Variants in NAV2 observed in about 807,000 individuals in gnomAD.
NAV2 encodes helicase, APC down-regulated 1.
Under a neutral mutation model 223.2 loss-of-function variants are expected in NAV2, and 54 were observed. The observed-to-expected ratio is 0.24, with a 90% CI of 0.19 to 0.30. The LOEUF (loss-of-function observed/expected upper bound fraction) is 0.30, where lower values mean the gene tolerates loss of function less well. Among genes scored for constraint, NAV2 ranks in the 10% least tolerant of loss-of-function variants. The probability of loss-of-function intolerance (pLI) is 1.00; values close to 1 mark genes in which losing one functional copy is unlikely to be tolerated. For missense variants in NAV2, 2,806 were observed against 3,147.5 expected (o/e 0.89, Z 2.60); for synonymous variants, 1,279 against 1,239.3 (o/e 1.03, Z -0.67).
At chr11:19,610,048 T>C (rs1176238740) in intron 1 of NAV2, among the ~76,000 whole-genome samples, 1 of 152,184 alleles carries the variant, frequency 6.6e-6, no homozygotes, top group Non-Finnish European at 1.5e-5. Context: ...AAACCAGGAC[T>C]GATAGGTGCT....
chr11:19,928,893 A>C (rs2045043842), intron 6 of NAV2, among the ~76,000 whole-genome samples: 1 of 152,152 alleles, frequency 6.6e-6, no homozygotes, highest in African/African-American at 2.4e-5. Flanking sequence ...CCCTTTGTTT[A>C]ACTTACTATC....
intron 1 of NAV2, among the ~76,000 whole-genome samples, chr11:19,446,283 G>C (rs1851579176): frequency 6.6e-6 from 1 of 152,088 alleles, no homozygotes; most frequent in Non-Finnish European, 1.5e-5. Flanking sequence ...CCCACCACCA[G>C]AGAATCATAG....
chr11:19,366,521 A>C (rs1848288823), intron 1 of NAV2, among the ~76,000 whole-genome samples: 1 of 152,160 alleles, frequency 6.6e-6, no homozygotes, highest in African/African-American at 2.4e-5. Flanking sequence ...GAGTTGAAGA[A>C]AGGCTTCAGA....
In NAV2 at chr11:19,635,719, C is replaced by T. The variant is rs77440092; in HGVS notation, c.76-196765C>T. Among the ~76,000 whole-genome samples the T allele has an allele frequency of 3.6e-3, 553 of 152,332 alleles. 5 individuals carry two copies. Among genetic ancestry groups the T allele is most frequent in the African/African-American group, 0.011 (464 of 41,570 alleles). On this transcript the variant is annotated intron_variant, in intron 1 of 37. Transcript: ENST00000360655. ...TCCCATGAGAGCGAGAACTCACCTA[C>T]TTCTTTTGGGAGGGCATTAATTTAT...
At chr11:19,541,690 T>C (rs2044347827) in intron 1 of NAV2, among the ~76,000 whole-genome samples, 1 of 152,174 alleles carries the variant, frequency 6.6e-6, no homozygotes, top group African/African-American at 2.4e-5. Flanking sequence ...CCCAGGCTGA[T>C]GTGGGACATG....
rs1187835212 is a variant in NAV2, at chr11:19,712,897, T to C, written c.-799T>C. On this transcript the variant is annotated 5_prime_UTR_variant, in exon 1 of 38. Coordinates refer to ENST00000349880, the MANE Select transcript of NAV2 (RefSeq NM_145117.5). ...CCTTCCCGGGAAGCGCGGCGGCCGC[T>C]CCCGAGCGCAGCCCTGCCCGGCCCG... 6.6e-6 allele frequency among the ~76,000 whole-genome samples: 1 copy of C among 151,036 alleles called. No individual in the cohort carries two copies. Among genetic ancestry groups the C allele is most frequent in the Non-Finnish European group, 1.5e-5 (1 of 67,730 alleles).
chr11:20,035,881 G>T, intron 11 of NAV2, 78 bp from the exon 12 acceptor site: 1 of 1,564,298 alleles, frequency 6.4e-7, no homozygotes, highest in Non-Finnish European at 8.7e-7. Context: ...CGGGGATGGT[G>T]TTTGTCTGTC....
intron 1 of NAV2, among the ~76,000 whole-genome samples, chr11:19,438,160 G>A (rs1285657463): frequency 6.6e-6 from 1 of 152,214 alleles, no homozygotes; most frequent in Non-Finnish European, 1.5e-5. Context: ...AGGGTTAAAA[G>A]AGGAGTTCCC....
chr11:19,543,196 CA>C (rs1565033852), intron 1 of NAV2, among the ~76,000 whole-genome samples: 1 of 152,200 alleles, frequency 6.6e-6, no homozygotes, highest in Non-Finnish European at 1.5e-5. Flanking sequence ...TGACTTAAAG[CA>C]AATTGATTAA....
chr11:19,802,845 C>T (rs1017987681), intron 1 of NAV2, among the ~76,000 whole-genome samples: 1 of 152,110 alleles, frequency 6.6e-6, no homozygotes, highest in Non-Finnish European at 1.5e-5. Context: ...TCTAGGAAAG[C>T]CTCAGATGCA....
chr11:19,843,235 C>T (rs1424361920), intron 3 of NAV2, among the ~76,000 whole-genome samples: 3 of 152,206 alleles, frequency 2.0e-5, no homozygotes, highest in Non-Finnish European at 2.9e-5. Flanking sequence ...GTGGCTCGTT[C>T]TGCTTCCTCA....
chr11:19,435,180 A>C (rs909337465), intron 1 of NAV2, among the ~76,000 whole-genome samples: 2 of 152,170 alleles, frequency 1.3e-5, no homozygotes, highest in Non-Finnish European at 2.9e-5. Context: ...ATGCCTATCT[A>C]ACTGAAACTA....
intron 1 of NAV2, among the ~76,000 whole-genome samples, chr11:19,776,973 C>A (rs146463158): frequency 4.4e-4 from 67 of 152,128 alleles, no homozygotes; most frequent in Admixed American, 1.1e-3. Flanking sequence ...CCCACCAACT[C>A]CGACCATCTT....
rs2044396159 is a variant in NAV2, at chr11:19,543,528, C to T, written c.75+192501C>T. Among the ~76,000 whole-genome samples, 7 of 152,308 alleles carry T rather than the reference C, an allele frequency of 4.6e-5. No homozygotes were observed. In the South Asian group the frequency reaches 1.5e-3, roughly 32 times the overall value. ...CACAGCCTCTCCTCCTCATCTTCCT[C>T]TTTTGGGAAAGGTTCAGAATGGCAT... On this transcript the variant is annotated intron_variant, in intron 1 of 37. Coordinates refer to the NAV2 transcript ENST00000360655.
intron 6 of NAV2, among the ~76,000 whole-genome samples, chr11:19,926,310 T>C (rs2044745276): frequency 6.6e-6 from 1 of 152,214 alleles, no homozygotes; most frequent in African/African-American, 2.4e-5. Context: ...TCTCCCTCCA[T>C]GCCCTCTCAC....
intron 1 of NAV2, among the ~76,000 whole-genome samples, chr11:19,645,875 A>G (rs1313655800): frequency 6.6e-6 from 1 of 152,160 alleles, no homozygotes; most frequent in Admixed American, 6.5e-5. Context: ...ACTGAAGCCC[A>G]GAGAGGTTAA....
At chr11:19,886,763 G>A (rs1294305804) in intron 5 of NAV2, among the ~76,000 whole-genome samples, 3 of 152,216 alleles carry the variant, frequency 2.0e-5, no homozygotes, top group Admixed American at 1.3e-4. Flanking sequence ...AGGGGGAAGA[G>A]AGGAAGCACT....
rs76208679 is a variant in NAV2, at chr11:19,872,832, G to T, written c.511+3835G>T. ...CCCCATGGAGGTGCTGCTGGTTTGG[G>T]GAACTTCCCTGGACTAGGCCTCCCT... is the stretch of plus-strand genomic sequence containing the variant. On this transcript the variant is annotated intron_variant, in intron 4 of 37. Coordinates refer to ENST00000349880, the MANE Select transcript of NAV2 (RefSeq NM_145117.5). 1.9e-3 allele frequency among the ~76,000 whole-genome samples: 291 copies of T among 152,326 alleles called. 1 individual carries two copies. The highest frequency in any genetic ancestry group is 6.8e-3 in the Middle Eastern group (2 of 294).
intron 1 of NAV2, among the ~76,000 whole-genome samples, chr11:19,799,443 G>T (rs2058103461): frequency 6.6e-6 from 1 of 152,134 alleles, no homozygotes; most frequent in Admixed American, 6.5e-5. Flanking sequence ...CTACCCAGTG[G>T]ATCTTAGTGT....
Sources: allele counts gnomAD v4.1 joint callset (sites outside exome capture counted in the v4.1 genomes callset), GRCh38; gene constraint gnomAD v4.1.1; transcripts MANE v1.5; gene names NCBI Gene and HGNC (gene_info 2026-07-23, HGNC 2026-07-21).